Variants in PEAK1 observed in about 807,000 individuals in gnomAD.
The protein encoded by PEAK1 is pseudopodium enriched atypical kinase 1.
A neutral mutation model predicts 124.7 loss-of-function variants in PEAK1; 54 were observed. That is an observed-to-expected ratio of 0.43 (90% CI 0.35 to 0.54). PEAK1 has a LOEUF of 0.54. PEAK1 is among the 20% of genes least tolerant of loss of function. The probability of loss-of-function intolerance (pLI) is 0.01; values close to 1 mark genes in which losing one functional copy is unlikely to be tolerated. For missense variants in PEAK1, 2,046 were observed against 2,134.5 expected (o/e 0.96, Z 0.82); for synonymous variants, 719 against 760.0 (o/e 0.95, Z 0.89).
chr15:77,404,160 A>C, intron 1 of PEAK1: 1 of 985,408 alleles, frequency 1.0e-6, no homozygotes, highest in Non-Finnish European at 1.2e-6. Flanking sequence ...TAAATATAGA[A>C]ATACCTAATT....
chr15:77,358,696 A>G (rs956589183), intron 2 of PEAK1, among the ~76,000 whole-genome samples: 1 of 152,232 alleles, frequency 6.6e-6, no homozygotes, highest in Admixed American at 6.5e-5. Context: ...AACATAGTGA[A>G]AAAGTACAAA....
Position 77,133,849 on chromosome 15 carries a change from G to T in PEAK1, c.3332-99C>A. Reference sequence around the variant, plus strand: ...AGCAGAAATGAGTGAGGTAGCCATGGGAATGTAAGAATAAGTCAACTCTTT... The same window carrying T: ...AGCAGAAATGAGTGAGGTAGCCATGTGAATGTAAGAATAAGTCAACTCTTT... On this transcript the variant is annotated intron_variant, in intron 8 of 9. Coordinates refer to ENST00000682557, the MANE Select transcript of PEAK1 (RefSeq NM_001385026.1). The surrounding 1 kb of genome is among the most constrained non-coding windows in gnomAD (Gnocchi z 4.2). The T allele has an allele frequency of 7.7e-7, 1 of 1,299,748 alleles. No homozygotes were observed. 80.5% of individuals were successfully genotyped at this position (1,299,748 alleles called of 1,614,324 possible). A position where few individuals can be genotyped will look rare whatever the true frequency, so the allele number is the denominator to read the frequency against.
chr15:77,225,668 A>T (rs566792692), intron 6 of PEAK1, among the ~76,000 whole-genome samples: 28 of 106,876 alleles, frequency 2.6e-4, no homozygotes, highest in African/African-American at 1.2e-3. Flanking sequence ...TGTATAATTT[A>T]TATATATATA....
At chr15:77,348,879 C>T in intron 2 of PEAK1, 1 of 941,510 alleles carries the variant, frequency 1.1e-6, no homozygotes, top group Non-Finnish European at 1.3e-6. Context: ...TGGGCCCAAG[C>T]AATCCTCTTG....
At chr15:77,240,108 C>G (rs2060289340) in intron 6 of PEAK1, among the ~76,000 whole-genome samples, 1 of 152,156 alleles carries the variant, frequency 6.6e-6, no homozygotes, top group African/African-American at 2.4e-5. Flanking sequence ...TGCTTAGATA[C>G]TAGCAAAACA....
intron 2 of PEAK1, among the ~76,000 whole-genome samples, chr15:77,363,745 A>C (rs1439636862): frequency 6.6e-6 from 1 of 152,196 alleles, no homozygotes; most frequent in Non-Finnish European, 1.5e-5. Flanking sequence ...ATGCTTCAAC[A>C]TGGATGAAGC....
intron 5 of PEAK1, chr15:77,278,831 G>GTTTT (rs1482376693): frequency 3.0e-5 from 6 of 200,698 alleles, no homozygotes; most frequent in East Asian, 1.4e-4. Context: ...AAATTTTGTG[G>GTTTT]GTTTTTTTTT....
intron 9 of PEAK1, among the ~76,000 whole-genome samples, chr15:77,121,212 C>T (rs1027499975): frequency 3.3e-5 from 5 of 152,088 alleles, no homozygotes; most frequent in South Asian, 2.1e-4. Flanking sequence ...AACAGTTTTG[C>T]AACCCTTGTC....
chr15:77,347,506 T>G (rs904207814), intron 2 of PEAK1: 2 of 985,244 alleles, frequency 2.0e-6, no homozygotes, highest in Non-Finnish European at 2.4e-6. Context: ...CTGAGGCTTA[T>G]AATAGGAACC....
At chr15:77,329,561 A>C (rs540381358) in intron 2 of PEAK1, among the ~76,000 whole-genome samples, 1 of 152,334 alleles carries the variant, frequency 6.6e-6, no homozygotes, top group Admixed American at 6.5e-5. Flanking sequence ...TATTTGGTGT[A>C]ATCAAGCAAA....
At chr15:77,197,671 G>A (rs1349509148) in intron 6 of PEAK1, among the ~76,000 whole-genome samples, 5 of 152,158 alleles carry the variant, frequency 3.3e-5, no homozygotes, top group Non-Finnish European at 7.3e-5. Context: ...TCAAAACCAA[G>A]TGTAATTCCT....
intron 6 of PEAK1, among the ~76,000 whole-genome samples, chr15:77,215,480 G>A (rs948011622): frequency 6.6e-6 from 1 of 152,116 alleles, no homozygotes; most frequent in African/African-American, 2.4e-5. Flanking sequence ...TATAACCTAT[G>A]CACACTCTCG....
chr15:77,226,053 AT>A (rs55847681), intron 6 of PEAK1, among the ~76,000 whole-genome samples: 3,424 of 84,648 alleles, frequency 0.04, 170 homozygotes, highest in African/African-American at 0.094. Context: ...GGATATATAT[AT>A]ATATATATAT....
rs181362012 is a variant in PEAK1, at chr15:77,113,804, T to C, written c.*352A>G. Reference sequence around the variant, plus strand: ...AAAAGATAGGTGATATCCAGAATTATGGAGGAAATGGACACAGCTCACTGG... The same window carrying C: ...AAAAGATAGGTGATATCCAGAATTACGGAGGAAATGGACACAGCTCACTGG... On this transcript the variant is annotated 3_prime_UTR_variant, in exon 10 of 10. Transcript: ENST00000682557. The C allele has an allele frequency of 1.2e-4, 32 of 260,092 alleles. No individual in the cohort carries two copies. The highest frequency in any genetic ancestry group is 2.5e-4 in the Admixed American group (5 of 20,390). 16.1% of individuals were successfully genotyped at this position (260,092 alleles called of 1,614,324 possible). A position where few individuals can be genotyped will look rare whatever the true frequency, so the allele number is the denominator to read the frequency against.
intron 1 of PEAK1, among the ~76,000 whole-genome samples, chr15:77,372,322 C>A (rs1047174140): frequency 7.9e-5 from 12 of 152,150 alleles, no homozygotes; most frequent in Admixed American, 7.9e-4. Flanking sequence ...AGATGACAGG[C>A]AACAAGAATC....
intron 5 of PEAK1, among the ~76,000 whole-genome samples, chr15:77,254,258 T>TA (rs971029820): frequency 5.6e-4 from 85 of 151,674 alleles, no homozygotes; most frequent in Middle Eastern, 6.8e-3. Flanking sequence ...ACTTATTTCT[T>TA]AAAAAAAAAT....
intron 7 of PEAK1, among the ~76,000 whole-genome samples, chr15:77,176,594 T>G (rs1187945953): frequency 6.6e-6 from 1 of 152,222 alleles, no homozygotes; most frequent in African/African-American, 2.4e-5. Context: ...AATGGGCAAA[T>G]GAACTGTGCT....
In PEAK1 at chr15:77,114,900, C is replaced by T; in HGVS notation, c.4497G>A (p.Gln1499=). 5 of 1,614,006 alleles carry T rather than the reference C, an allele frequency of 3.1e-6. No homozygotes were observed. Among genetic ancestry groups the T allele is most frequent in the Non-Finnish European group, 3.4e-6 (4 of 1,180,008 alleles). Residue 1499 remains glutamine (Q), a synonymous_variant, in exon 10 of 10, where the codon CAG becomes CAA. Coordinates refer to ENST00000682557, the MANE Select transcript of PEAK1 (RefSeq NM_001385026.1). ...TGAGGTGCTCAAGACCAGAGCATAG[C>T]TGTAAGAGCAGCAGACACACCTGCC... ...YERQVCLLLL[Q]LCSGLEHLKP... is the part of the protein sequence containing the mutation.
rs1279467865 is a variant in PEAK1 at position 77,401,661 on chromosome 15, A to G, written c.-666+18345T>C. ...GTTATTCATTAGAACTTCAATGGACATTGCCACGAAAGAACTCAAAATTAA... is the reference window on the plus strand; with the variant it reads ...GTTATTCATTAGAACTTCAATGGACGTTGCCACGAAAGAACTCAAAATTAA... On this transcript the variant is annotated intron_variant, in intron 1 of 9. Transcript: ENST00000682557. The G allele has an allele frequency of 1.6e-5, 16 of 985,048 alleles. No individual in the cohort carries two copies. The Admixed American group carries it at 9.8e-4, about 61-fold the overall frequency. 61.0% of individuals were successfully genotyped at this position (985,048 alleles called of 1,614,324 possible). A position where few individuals can be genotyped will look rare whatever the true frequency, so the allele number is the denominator to read the frequency against.
Sources: allele counts gnomAD v4.1 joint callset (sites outside exome capture counted in the v4.1 genomes callset), GRCh38; gene constraint gnomAD v4.1.1; non-coding constraint Gnocchi (gnomAD v3.1); transcripts MANE v1.5; gene names NCBI Gene and HGNC (gene_info 2026-07-23, HGNC 2026-07-21).